Variants in TNRC6B observed in about 807,000 individuals in gnomAD.
TNRC6B encodes the protein trinucleotide repeat-containing gene 6B protein.
In TNRC6B, 52 loss-of-function variants were observed where a neutral mutation model predicts 203.6. That is an observed-to-expected ratio of 0.26 (90% CI 0.20 to 0.32). TNRC6B has a LOEUF of 0.32. Among genes scored for constraint, TNRC6B ranks in the 10% least tolerant of loss-of-function variants. The probability of loss-of-function intolerance (pLI) is 1.00; values close to 1 mark genes in which losing one functional copy is unlikely to be tolerated. For synonymous variants in TNRC6B, 838 were observed against 845.7 expected (o/e 0.99, Z 0.16); for missense variants, 1,923 against 2,286.2 (o/e 0.84, Z 3.24).
At chr22:40,281,521 G>T (rs1194668333) in intron 11 of TNRC6B, among the ~76,000 whole-genome samples, 18 of 145,474 alleles carry the variant, frequency 1.2e-4, no homozygotes, top group Admixed American at 9.0e-4. Flanking sequence ...CCTCATTTTT[G>T]ATCATAAGTT....
At chr22:40,207,595 T>G (rs2069499651) in intron 1 of TNRC6B, among the ~76,000 whole-genome samples, 1 of 151,632 alleles carries the variant, frequency 6.6e-6, no homozygotes, top group South Asian at 2.1e-4. Context: ...ACAGAGGATT[T>G]ATATCCAGAA....
At chr22:40,172,839 T>A (rs1357027578) in intron 4 of TNRC6B, among the ~76,000 whole-genome samples, 6 of 152,208 alleles carry the variant, frequency 3.9e-5, no homozygotes. Flanking sequence ...ATCTTAGAGA[T>A]TTCTGCTCTG....
At chr22:40,201,207 A>G (rs909376255) in intron 1 of TNRC6B, among the ~76,000 whole-genome samples, 1 of 152,142 alleles carries the variant, frequency 6.6e-6, no homozygotes, top group Non-Finnish European at 1.5e-5. Flanking sequence ...TTTAAAAAAA[A>G]TTTGGCTACC....
chr22:40,129,401 G>C (rs2068521925), intron 3 of TNRC6B, among the ~76,000 whole-genome samples: 2 of 152,206 alleles, frequency 1.3e-5, no homozygotes, highest in South Asian at 4.1e-4. Flanking sequence ...AGCCTGGTGA[G>C]AAGGCACGTG....
intron 16 of TNRC6B, 39 bp downstream of exon 16, chr22:40,308,688 G>C (rs139564948): frequency 6.4e-7 from 1 of 1,574,536 alleles, no homozygotes; most frequent in East Asian, 2.2e-5. Flanking sequence ...CCAACCCACA[G>C]CAGGTCTTGA....
chr22:40,064,716 A>G (rs2067881154), intron 1 of TNRC6B, among the ~76,000 whole-genome samples: 2 of 151,468 alleles, frequency 1.3e-5, no homozygotes, highest in Admixed American at 1.3e-4. Context: ...TCCTGGGTTC[A>G]AGCAATTCTC....
Position 40,323,067 on chromosome 22 carries a change from C to G in TNRC6B, c.5328C>G (p.Ser1776Arg). The change falls in exon 23 of 23, where the codon AGC becomes AGG. Residue 1776 changes from serine (S) to arginine (R), a missense_variant. Transcript: ENST00000454349. ...FGGSTGLGQW[S>R]SSAGGSSGAD... ...GGTCCACTGGGCTCGGGCAGTGGAG[C>G]AGCAGCGCTGGTGGCAGCAGCGGGG... 1 of 1,603,272 alleles carries G rather than the reference C, an allele frequency of 6.2e-7. No homozygotes were observed. Among genetic ancestry groups the G allele is most frequent in the Non-Finnish European group, 8.5e-7 (1 of 1,174,496 alleles).
At chr22:40,274,569 T>C (rs1329135989) in intron 7 of TNRC6B, among the ~76,000 whole-genome samples, 2 of 152,038 alleles carry the variant, frequency 1.3e-5, no homozygotes. Context: ...TACAGGCAGC[T>C]GCCACCACGC....
At chr22:40,075,659 G>A (rs2068006797) in intron 1 of TNRC6B, among the ~76,000 whole-genome samples, 1 of 151,740 alleles carries the variant, frequency 6.6e-6, no homozygotes, top group Non-Finnish European at 1.5e-5. Context: ...TCATTTTGCT[G>A]TTTGTTTTCT....
At chr22:40,125,487 C>A (rs770028361) in intron 2 of TNRC6B, among the ~76,000 whole-genome samples, 11 of 152,124 alleles carry the variant, frequency 7.2e-5, no homozygotes, top group Non-Finnish European at 1.3e-4. Context: ...TGCCAAAAGC[C>A]AAATAAAATA....
At chr22:40,274,422 C>CTTTTTTTTTTTT (rs374621260) in intron 7 of TNRC6B, among the ~76,000 whole-genome samples, 2 of 140,688 alleles carry the variant, frequency 1.4e-5, no homozygotes, top group East Asian at 2.0e-4. Context: ...AATGATATCT[C>CTTTTTTTTTTTT]TTTTTTTTTT....
chr22:40,139,003 G>A (rs1047079214), intron 3 of TNRC6B, among the ~76,000 whole-genome samples: 1 of 152,134 alleles, frequency 6.6e-6, no homozygotes, highest in Non-Finnish European at 1.5e-5. Context: ...ATGGTTTTCA[G>A]TGTATTCACA....
chr22:40,278,169 G>A (rs2070673708), intron 9 of TNRC6B, 125 bp downstream of exon 9: 11 of 748,860 alleles, frequency 1.5e-5, no homozygotes, highest in Non-Finnish European at 2.3e-5. Context: ...CTTACTCTTT[G>A]TAAGGTACTG....
At chr22:40,154,709 C>T (rs554132354) in intron 3 of TNRC6B, among the ~76,000 whole-genome samples, 159 of 148,048 alleles carry the variant, frequency 1.1e-3, no homozygotes, top group African/African-American at 3.6e-3. Context: ...AGCATAGTGG[C>T]GGGTACCTGT....
At chr22:40,069,264 C>T (rs931566301) in intron 1 of TNRC6B, among the ~76,000 whole-genome samples, 6 of 151,796 alleles carry the variant, frequency 4.0e-5, no homozygotes, top group Admixed American at 3.9e-4. Flanking sequence ...ACCAGGTTGA[C>T]TGATATAAAA....
chr22:40,175,507 T>C (rs536886267), upstream of TNRC6B, among the ~76,000 whole-genome samples: 2 of 152,320 alleles, frequency 1.3e-5, no homozygotes, highest in Admixed American at 6.5e-5. Context: ...TACAATAATA[T>C]TCTACACTGG....
At chr22:40,075,156 A>ATTTTTTTTTTTTTTTTTT (rs58240994) in intron 1 of TNRC6B, among the ~76,000 whole-genome samples, 42 of 35,566 alleles carry the variant, frequency 1.2e-3, no homozygotes, top group East Asian at 2.3e-3. Flanking sequence ...ATATATATAT[A>ATTTTTTTTTTTTTTTTTT]TTTTTTTTTT....
At chr22:40,088,327 G>C (rs1044337724) in intron 1 of TNRC6B, among the ~76,000 whole-genome samples, 5 of 152,194 alleles carry the variant, frequency 3.3e-5, no homozygotes, top group Non-Finnish European at 4.4e-5. Context: ...TGGTGTTTGT[G>C]CTCTGTTCTT....
At chr22:40,219,098 A>G (rs1407416476) in intron 1 of TNRC6B, among the ~76,000 whole-genome samples, 1 of 152,212 alleles carries the variant, frequency 6.6e-6, no homozygotes, top group East Asian at 1.9e-4. Flanking sequence ...GAAAAGTCAA[A>G]TGGACTTTGT....
Sources: gnomAD v4.1 joint callset for allele counts (sites outside exome capture counted in the v4.1 genomes callset) on GRCh38, gnomAD v4.1.1 for gene constraint, MANE v1.5 for transcripts, NCBI Gene and HGNC (gene_info 2026-07-23, HGNC 2026-07-21) for gene names.